Variants in CTNND2 observed in about 807,000 individuals in gnomAD.
The protein encoded by CTNND2 is catenin delta 2.
Under a neutral mutation model 144.4 loss-of-function variants are expected in CTNND2, and 22 were observed. The ratio of observed to expected loss-of-function variants is 0.15; its 90% CI spans 0.11 to 0.22. The LOEUF is 0.22. Ranked by LOEUF, CTNND2 falls within the 10% of genes least tolerant of loss-of-function variation. CTNND2 has a pLI of 1.00. For missense variants in CTNND2, 1,353 were observed against 1,618.8 expected (o/e 0.84, Z 2.82); for synonymous variants, 751 against 695.6 (o/e 1.08, Z -1.25).
At chr5:11,080,912 C>T (rs61757074) in intron 16 of CTNND2, among the ~76,000 whole-genome samples, 205 of 152,202 alleles carry the variant, frequency 1.3e-3, no homozygotes, top group African/African-American at 4.5e-3. Flanking sequence ...CCCACCTCCA[C>T]TAAAAAATAC....
chr5:11,276,636 C>T (rs1365896153), intron 9 of CTNND2, among the ~76,000 whole-genome samples: 1 of 152,120 alleles, frequency 6.6e-6, no homozygotes, highest in East Asian at 1.9e-4. Flanking sequence ...TGCTAATACC[C>T]AGTATCTGTT....
At chr5:11,620,519 C>A (rs1780778749) in intron 2 of CTNND2, among the ~76,000 whole-genome samples, 1 of 152,170 alleles carries the variant, frequency 6.6e-6, no homozygotes, top group Admixed American at 6.5e-5. Context: ...AGGCGCTTGC[C>A]CACATTTCCC....
At chr5:11,362,549 T>A (rs924769370) in intron 8 of CTNND2, among the ~76,000 whole-genome samples, 3 of 152,186 alleles carry the variant, frequency 2.0e-5, no homozygotes, top group Non-Finnish European at 4.4e-5. Context: ...TAAGAGGTCA[T>A]CCAAGCACTT....
chr5:11,012,793 T>C (rs930349898), intron 18 of CTNND2, among the ~76,000 whole-genome samples: 14 of 152,146 alleles, frequency 9.2e-5, no homozygotes, highest in African/African-American at 3.4e-4. Flanking sequence ...AGAAGTTGAG[T>C]GTCCCTCATC....
intron 1 of CTNND2, among the ~76,000 whole-genome samples, chr5:11,822,544 A>T (rs1317992573): frequency 6.6e-6 from 1 of 152,072 alleles, no homozygotes; most frequent in Non-Finnish European, 1.5e-5. Context: ...CTTCTCCTTG[A>T]ATAAACTCCC....
chr5:11,458,852 G>A (rs533753530), intron 3 of CTNND2, among the ~76,000 whole-genome samples: 1 of 152,192 alleles, frequency 6.6e-6, no homozygotes, highest in East Asian at 1.9e-4. Context: ...CTGGGTTGAA[G>A]CAATAGAGCA....
intron 14 of CTNND2, among the ~76,000 whole-genome samples, chr5:11,102,848 T>C (rs991890827): frequency 2.0e-5 from 3 of 151,486 alleles, no homozygotes; most frequent in Non-Finnish European, 4.4e-5. Context: ...AGGAAGGAAA[T>C]AACATATGCG....
In CTNND2 at chr5:11,364,787, G is replaced by A. The variant is rs1269981475; in HGVS notation, c.1281C>T (p.Arg427=). 1.9e-6 allele frequency: 3 copies of A among 1,613,738 alleles called. No individual in the cohort carries two copies. The highest frequency in any genetic ancestry group is 1.6e-4 in the Middle Eastern group (1 of 6,078). The change falls in exon 8 of 22, where the codon CGC becomes CGT. Residue 427 remains arginine (R), a synonymous_variant. Transcript: ENST00000304623. The part of the protein sequence containing the change: ...EHHIDPIYED[R]VYQKPPMRSL... ...TCCTCATAGGGGGCTTCTGATAGAC[G>A]CGGTCTTCATAGATGGGATCTATGT...
chr5:11,497,252 T>C (rs2150002704), intron 3 of CTNND2, among the ~76,000 whole-genome samples: 1 of 151,914 alleles, frequency 6.6e-6, no homozygotes, highest in African/African-American at 2.4e-5. Flanking sequence ...CCATACCAGG[T>C]ATTTCCAATA....
At chr5:11,240,935 C>T (rs1407674650) in intron 9 of CTNND2, among the ~76,000 whole-genome samples, 1 of 149,428 alleles carries the variant, frequency 6.7e-6, no homozygotes, top group Non-Finnish European at 1.5e-5. Context: ...ACACACCCAA[C>T]ACACACACTG....
intron 3 of CTNND2, among the ~76,000 whole-genome samples, chr5:11,452,201 G>A (rs1044885504): frequency 1.3e-5 from 2 of 152,102 alleles, no homozygotes; most frequent in East Asian, 1.9e-4. Context: ...CAATAAAAAC[G>A]GCAAATGCAA....
intron 2 of CTNND2, among the ~76,000 whole-genome samples, chr5:11,663,844 G>A (rs938919822): frequency 6.6e-6 from 1 of 152,078 alleles, no homozygotes; most frequent in Non-Finnish European, 1.5e-5. Context: ...TGTATTCATA[G>A]CTAATAGCAT....
intron 1 of CTNND2, among the ~76,000 whole-genome samples, chr5:11,772,172 TAA>T (rs1789986185): frequency 6.6e-6 from 1 of 152,248 alleles, no homozygotes; most frequent in Non-Finnish European, 1.5e-5. Context: ...GTTTTAATCT[TAA>T]TTAATCTTAA....
At chr5:11,527,521 C>A (rs961299062) in intron 3 of CTNND2, among the ~76,000 whole-genome samples, 1 of 152,130 alleles carries the variant, frequency 6.6e-6, no homozygotes, top group Non-Finnish European at 1.5e-5. Context: ...GGTCTCCCCA[C>A]CTTTGCTCCA....
intron 2 of CTNND2, among the ~76,000 whole-genome samples, chr5:11,573,142 C>A (rs1285320401): frequency 6.6e-6 from 1 of 152,164 alleles, no homozygotes; most frequent in African/African-American, 2.4e-5. Context: ...AAATGCCTAC[C>A]TTATTGAGTC....
At chr5:11,544,098 T>C (rs1774999079) in intron 3 of CTNND2, among the ~76,000 whole-genome samples, 1 of 152,092 alleles carries the variant, frequency 6.6e-6, no homozygotes, top group South Asian at 2.1e-4. Context: ...GGGAAAAGCA[T>C]ATGTAATATA....
intron 9 of CTNND2, among the ~76,000 whole-genome samples, chr5:11,238,753 T>TAC (rs925845801): frequency 7.3e-5 from 11 of 151,724 alleles, no homozygotes; most frequent in South Asian, 2.1e-4. Flanking sequence ...ACTATATATA[T>TAC]ACACACACAC....
At chr5:11,631,627 A>C (rs1336310750) in intron 2 of CTNND2, among the ~76,000 whole-genome samples, 2 of 152,116 alleles carry the variant, frequency 1.3e-5, no homozygotes, top group African/African-American at 4.8e-5. Context: ...AAACCACCAG[A>C]GTTTCTCATC....
At chr5:11,786,527 C>T (rs969875398) in intron 1 of CTNND2, among the ~76,000 whole-genome samples, 1 of 152,158 alleles carries the variant, frequency 6.6e-6, no homozygotes, top group African/African-American at 2.4e-5. Context: ...TTCAATTCTT[C>T]CCTAAAATCA....
Sources: allele counts gnomAD v4.1 joint callset (sites outside exome capture counted in the v4.1 genomes callset), GRCh38; gene constraint gnomAD v4.1.1; transcripts MANE v1.5; gene names NCBI Gene and HGNC (gene_info 2026-07-23, HGNC 2026-07-21).